Variants in TMEM132D observed in about 807,000 individuals in gnomAD.
TMEM132D encodes mature OL transmembrane protein.
TMEM132D carries 21 observed loss-of-function variants against 62.3 expected under a neutral mutation model. The ratio of observed to expected loss-of-function variants is 0.34; its 90% confidence interval spans 0.24 to 0.49. TMEM132D has a LOEUF of 0.49. Ranked by LOEUF, TMEM132D falls within the 20% of genes least tolerant of loss-of-function variation. The pLI is 0.99. For missense variants in TMEM132D, 1,346 were observed against 1,402.8 expected (o/e 0.96, Z 0.65); for synonymous variants, 621 against 575.6 (o/e 1.08, Z -1.13).
At chr12:129,414,740 C>T (rs1486556906) in intron 3 of TMEM132D, among the ~76,000 whole-genome samples, 2 of 152,198 alleles carry the variant, frequency 1.3e-5, no homozygotes, top group African/African-American at 2.4e-5. Context: ...CCACACATTA[C>T]ATCTCCAGAA....
intron 4 of TMEM132D, among the ~76,000 whole-genome samples, chr12:129,292,955 G>C (rs776391614): frequency 6.6e-6 from 1 of 152,202 alleles, no homozygotes; most frequent in Non-Finnish European, 1.5e-5. Flanking sequence ...AGGGAGGGTA[G>C]TCAGTGGAGA....
intron 1 of TMEM132D, among the ~76,000 whole-genome samples, chr12:129,733,786 G>A (rs981801238): frequency 1.3e-5 from 2 of 152,108 alleles, no homozygotes; most frequent in African/African-American, 4.8e-5. Context: ...CGGCACAGTC[G>A]CTGGGCAGGT....
chr12:129,260,023 T>C lies in TMEM132D; in HGVS notation c.1300-50360A>G, dbSNP rs185150036. Among the ~76,000 whole-genome samples the C allele has an allele frequency of 2.3e-4, 35 of 152,266 alleles. No homozygotes were observed. In the East Asian group the frequency reaches 5.6e-3, roughly 24 times the overall value. On this transcript the variant is annotated intron_variant, in intron 4 of 8. Transcript: ENST00000422113. ...CCTTAAGGAACTATCAGATAGGCAG[T>C]TGAGCCTGAAATGAGTCTGAAAGTC...
At chr12:129,839,108 G>A (rs955468996) in intron 1 of TMEM132D, among the ~76,000 whole-genome samples, 10 of 46,732 alleles carry the variant, frequency 2.1e-4, no homozygotes, top group Admixed American at 1.4e-3. Flanking sequence ...CCACCACCAC[G>A]CCTGGCTAAT....
intron 3 of TMEM132D, among the ~76,000 whole-genome samples, chr12:129,378,990 G>A (rs1320451787): frequency 1.3e-5 from 2 of 152,184 alleles, no homozygotes; most frequent in African/African-American, 4.8e-5. Context: ...CTTAATCAGA[G>A]AGGCCTCCTG....
In TMEM132D at chr12:129,074,237, A is replaced by T. The variant is rs767233297; in HGVS notation, c.2938T>A (p.Phe980Ile). The stretch of plus-strand genomic sequence containing the variant: ...ATTTGCTCATCTTGCGAGGAGGCAA[A>T]GTTGATGTGATTCTCCAACAGCTCT... ...RTELLENHIN[F>I]ASSQDEQITA... The change falls in exon 9 of 9, where the codon TTT becomes ATT. Residue 980 changes from phenylalanine to isoleucine, a missense_variant. Physicochemically the swap from Phe to Ile is conservative, Grantham distance 21. Coordinates refer to ENST00000422113, the MANE Select transcript of TMEM132D (RefSeq NM_133448.3). 3 of 1,613,952 alleles carry T rather than the reference A, an allele frequency of 1.9e-6. No individual in the cohort carries two copies. In the South Asian group the frequency reaches 3.3e-5, roughly 18 times the overall value.
At chr12:129,750,404 G>T (rs145298243) in intron 1 of TMEM132D, among the ~76,000 whole-genome samples, 179 of 152,246 alleles carry the variant, frequency 1.2e-3, no homozygotes, top group African/African-American at 4.1e-3. Flanking sequence ...TTATTATATG[G>T]AGAAAGTTAT....
chr12:129,331,083 G>A (rs557357300), intron 4 of TMEM132D, among the ~76,000 whole-genome samples: 9 of 152,196 alleles, frequency 5.9e-5, no homozygotes, highest in Non-Finnish European at 5.9e-5. Flanking sequence ...GTCTGAGCAC[G>A]AGGATCAAGG....
intron 4 of TMEM132D, among the ~76,000 whole-genome samples, chr12:129,217,184 A>G (rs1879229298): frequency 6.6e-6 from 1 of 152,240 alleles, no homozygotes; most frequent in Admixed American, 6.5e-5. Flanking sequence ...AAAAGCATCA[A>G]AGTGCTTAAC....
At chr12:129,506,754 T>C (rs967289628) in intron 3 of TMEM132D, among the ~76,000 whole-genome samples, 2 of 152,146 alleles carry the variant, frequency 1.3e-5, no homozygotes, top group African/African-American at 4.8e-5. Flanking sequence ...ACTACAAAAA[T>C]TCTAGAAGAT....
chr12:129,723,694 G>A (rs552386486), intron 1 of TMEM132D, among the ~76,000 whole-genome samples: 2 of 152,154 alleles, frequency 1.3e-5, no homozygotes, highest in Admixed American at 1.3e-4. Context: ...GCTGGTCTCT[G>A]GATACCTCAC....
chr12:129,505,399 T>G (rs12309718), intron 3 of TMEM132D, among the ~76,000 whole-genome samples: 1 of 151,802 alleles, frequency 6.6e-6, no homozygotes, highest in Admixed American at 6.5e-5. Context: ...CCTGCCACCA[T>G]GCCCGGCTAA....
intron 2 of TMEM132D, among the ~76,000 whole-genome samples, chr12:129,669,011 GAGA>G (rs1880441260): frequency 6.6e-6 from 1 of 152,162 alleles, no homozygotes; most frequent in South Asian, 2.1e-4. Context: ...TCCTCAAGAG[GAGA>G]AGAATTTGCC....
chr12:129,419,720 T>C (rs979944480), intron 3 of TMEM132D, among the ~76,000 whole-genome samples: 2 of 152,222 alleles, frequency 1.3e-5, no homozygotes, highest in Non-Finnish European at 2.9e-5. Flanking sequence ...TAAGTCTATA[T>C]TGTGATGTCT....
chr12:129,177,520 G>T (rs1403859581), intron 5 of TMEM132D, among the ~76,000 whole-genome samples: 1 of 152,174 alleles, frequency 6.6e-6, no homozygotes, highest in East Asian at 1.9e-4. Flanking sequence ...AACTTTGGGA[G>T]GCCAAGGTGG....
chr12:129,107,522 C>T (rs1035661646), intron 5 of TMEM132D, among the ~76,000 whole-genome samples: 3 of 152,154 alleles, frequency 2.0e-5, no homozygotes, highest in Admixed American at 6.5e-5. Flanking sequence ...AAGACATTTT[C>T]CAGTGTGGGG....
chr12:129,339,218 G>A lies in TMEM132D; in HGVS notation c.1116-1401C>T, dbSNP rs534264540. Among the ~76,000 whole-genome samples, 12 of 151,232 alleles carry A rather than the reference G, an allele frequency of 7.9e-5. No homozygotes were observed. In the South Asian group the frequency reaches 2.5e-3, roughly 32 times the overall value. On this transcript the variant is annotated intron_variant, in intron 3 of 8. Coordinates refer to ENST00000422113, the MANE Select transcript of TMEM132D (RefSeq NM_133448.3). Reference sequence around the variant, plus strand: ...GGAGGCAGAGGTTGCAGTGAGCTGGGATCACACCAGTGCATTCCAGCCTGG... The same window carrying A: ...GGAGGCAGAGGTTGCAGTGAGCTGGAATCACACCAGTGCATTCCAGCCTGG...
At chr12:129,128,759 C>T (rs150088059) in intron 5 of TMEM132D, among the ~76,000 whole-genome samples, 3 of 152,266 alleles carry the variant, frequency 2.0e-5, no homozygotes, top group Non-Finnish European at 4.4e-5. Context: ...ATCCTGCCCC[C>T]ACCCTTGGGA....
At chr12:129,516,401 A>G (rs374400897) in intron 3 of TMEM132D, among the ~76,000 whole-genome samples, 6 of 152,210 alleles carry the variant, frequency 3.9e-5, no homozygotes, top group East Asian at 1.9e-4. Flanking sequence ...ACAAAGAAAA[A>G]GAGGTTTAAT....
Sources: gnomAD v4.1 joint callset for allele counts (sites outside exome capture counted in the v4.1 genomes callset) on GRCh38, gnomAD v4.1.1 for gene constraint, MANE v1.5 for transcripts, NCBI Gene and HGNC (gene_info 2026-07-23, HGNC 2026-07-21) for gene names.